Variants in USP8 observed in about 807,000 individuals in gnomAD.
USP8 encodes the protein ubiquitin specific peptidase 8.
In USP8, 27 loss-of-function variants were observed where a neutral mutation model predicts 130.0. The ratio of observed to expected loss-of-function variants is 0.21; its 90% CI spans 0.15 to 0.29. USP8 has a LOEUF of 0.29. Among genes scored for constraint, USP8 ranks in the 10% least tolerant of loss-of-function variants. USP8 has a pLI of 1.00. For synonymous variants in USP8, 392 were observed against 444.1 expected (o/e 0.88, Z 1.48); for missense variants, 1,029 against 1,312.2 (o/e 0.78, Z 3.33).
At chr15:50,440,656 T>A (rs1452148415) in intron 2 of USP8, among the ~76,000 whole-genome samples, 2 of 152,058 alleles carry the variant, frequency 1.3e-5, no homozygotes, top group Non-Finnish European at 2.9e-5. Context: ...CCATCACATC[T>A]GGGGGTGATG....
chr15:50,426,531 A>C (rs777273446), intron 1 of USP8, among the ~76,000 whole-genome samples: 1 of 152,342 alleles, frequency 6.6e-6, no homozygotes, highest in East Asian at 1.9e-4. Flanking sequence ...TTTGGAGTCA[A>C]CCGAGAGCTC....
intron 17 of USP8, 147 bp from the exon 18 acceptor site, chr15:50,496,942 A>C (rs1566893769): frequency 3.0e-6 from 3 of 997,444 alleles, no homozygotes; most frequent in African/African-American, 3.3e-5. Flanking sequence ...TTCTCACTAG[A>C]TCACAAGCTT....
chr15:50,431,165 C>CTGTGTGTGTGTGTGTGTGTGTGTGTG (rs56771450), intron 1 of USP8, among the ~76,000 whole-genome samples: 5,147 of 140,874 alleles, frequency 0.037, 180 homozygotes, highest in East Asian at 0.052. Flanking sequence ...GTGTGTGCCT[C>CTGTGTGTGTGTGTGTGTGTGTGTGTG]TGTGTGTGTG....
rs2052547554 is a variant in USP8 at position 50,499,821 on chromosome 15, A to AT, written c.*734dup. 1 of 152,186 alleles carries AT rather than the reference A, an allele frequency of 6.6e-6. No homozygotes were observed. Among genetic ancestry groups the AT allele is most frequent in the Non-Finnish European group, 1.5e-5 (1 of 68,026 alleles). 9.4% of individuals were successfully genotyped at this position (152,186 alleles called of 1,614,324 possible). On this transcript the variant is annotated 3_prime_UTR_variant, in exon 20 of 20. Coordinates refer to ENST00000307179, the MANE Select transcript of USP8 (RefSeq NM_005154.5). ...TCTGTCTTTAATATTGTATTATCAA[A>AT]TATAGGACAGTAAAACCATAGATTT...
rs547058612 is a variant in USP8, at chr15:50,511,552, T to C, written c.*12464T>C. 1 of 152,330 alleles carries C rather than the reference T, an allele frequency of 6.6e-6. No homozygotes were observed. Among genetic ancestry groups the C allele is most frequent in the South Asian group, 2.1e-4 (1 of 4,832 alleles). 9.4% of individuals were successfully genotyped at this position (152,330 alleles called of 1,614,324 possible). On this transcript the variant is annotated 3_prime_UTR_variant, in exon 20 of 20. Coordinates refer to ENST00000307179, the MANE Select transcript of USP8 (RefSeq NM_005154.5). ...CATCACTGGATGGATTAAGGAAATG[T>C]GGTATATCCTATACAATGGAATATT...
chr15:50,431,075 G>A (rs2049915450), intron 1 of USP8, among the ~76,000 whole-genome samples: 1 of 152,040 alleles, frequency 6.6e-6, no homozygotes, highest in African/African-American at 2.4e-5. Context: ...AAACGCTGCT[G>A]TAAACTGATC....
intron 8 of USP8, among the ~76,000 whole-genome samples, chr15:50,475,017 G>A (rs1280818911): frequency 6.6e-6 from 1 of 152,192 alleles, no homozygotes; most frequent in African/African-American, 2.4e-5. Flanking sequence ...GCTGAGGCAG[G>A]AGAATTGCTG....
chr15:50,511,174 C>T lies in USP8; in HGVS notation c.*12086C>T, dbSNP rs1185112494. 1.3e-5 allele frequency: 2 copies of T among 152,150 alleles called. No individual in the cohort carries two copies. The highest frequency in any genetic ancestry group is 2.9e-5 in the Non-Finnish European group (2 of 68,042). 9.4% of individuals were successfully genotyped at this position (152,150 alleles called of 1,614,324 possible). On this transcript the variant is annotated 3_prime_UTR_variant, in exon 20 of 20. Transcript: ENST00000307179. ...TGGAGAGAGAGCACTTGAAAAGATGCTCAACATCATTAGTCATTAGGAAAA... is the reference window on the plus strand; with the variant it reads ...TGGAGAGAGAGCACTTGAAAAGATGTTCAACATCATTAGTCATTAGGAAAA...
intron 1 of USP8, among the ~76,000 whole-genome samples, chr15:50,431,811 C>T (rs925425267): frequency 5.3e-5 from 8 of 152,158 alleles, no homozygotes; most frequent in Non-Finnish European, 1.2e-4. Context: ...CGTCCACCAC[C>T]ATGCCCAGCT....
At position 50,477,405 on chromosome 15, in the gene USP8, T is replaced by G. The variant is rs766979897; in HGVS notation, c.1124T>G (p.Leu375Arg). ...ISGQNERMGP[L>R]NISTPVEPVA... ...GGTCAAAATGAGAGAATGGGACCAC[T>G]GAATATATCAACTCCAGTTGAACCA... Residue 375 changes from leucine to arginine, a missense_variant, in exon 10 of 20, where the codon CTG (leucine) becomes CGG (arginine). Around this residue, in one of 4 missense-constraint regions of USP8, gnomAD observed 486 missense variants for 522.0 expected, o/e 0.93. Coordinates refer to ENST00000307179, the MANE Select transcript of USP8 (RefSeq NM_005154.5). The G allele has an allele frequency of 1.9e-6, 3 of 1,614,188 alleles. No individual in the cohort carries two copies. The highest frequency in any genetic ancestry group is 3.3e-5 in the Admixed American group (2 of 60,018).
At chr15:50,451,499 A>G (rs2050628228) in intron 4 of USP8, among the ~76,000 whole-genome samples, 1 of 152,218 alleles carries the variant, frequency 6.6e-6, no homozygotes, top group African/African-American at 2.4e-5. Context: ...GCCTGATAGA[A>G]TGGCCCATCT....
intron 2 of USP8, among the ~76,000 whole-genome samples, chr15:50,441,092 T>G (rs1156416426): frequency 1.3e-5 from 2 of 151,894 alleles, no homozygotes; most frequent in African/African-American, 4.8e-5. Flanking sequence ...AATGCCACCA[T>G]GATCTGACAG....
rs1335275694 is a variant in USP8, at chr15:50,492,805, G to A, written c.2339G>A (p.Arg780His). ...TCTGGACCAGCTCTTACTGGACTTC[G>A]TAACTTAGGAAATACTTGTTATATG... ...GGSGPALTGL[R>H]NLGNTCYMNS... Residue 780 changes from arginine to histidine, a missense_variant, in exon 15 of 20, where the codon CGT becomes CAT. Coordinates refer to ENST00000307179, the MANE Select transcript of USP8 (RefSeq NM_005154.5). The A allele has an allele frequency of 4.3e-6, 7 of 1,614,114 alleles. 1 individual carries two copies. The South Asian group carries it at 5.5e-5, about 13-fold the overall frequency.
intron 12 of USP8, among the ~76,000 whole-genome samples, chr15:50,487,138 A>C (rs993491245): frequency 5.3e-5 from 8 of 152,060 alleles, no homozygotes; most frequent in Non-Finnish European, 7.4e-5. Flanking sequence ...AAAAAAAAAA[A>C]CAACTTATTA....
rs566447082 is a variant in USP8 at position 50,453,690 on chromosome 15, A to G, written c.335+4205A>G. On this transcript the variant is annotated intron_variant, in intron 4 of 19. Transcript: ENST00000307179. ...CTGTGGGATGGGGGTTCAAGTTGTA[A>G]CAATTACTGAGAGAGTCATGTTAAA... 3.4e-4 allele frequency among the ~76,000 whole-genome samples: 51 copies of G among 152,208 alleles called. 1 individual carries two copies. The South Asian group carries it at 0.01, about 31-fold the overall frequency.
At chr15:50,432,801 CCTT>C (rs1411512300) in intron 1 of USP8, among the ~76,000 whole-genome samples, 1 of 152,052 alleles carries the variant, frequency 6.6e-6, no homozygotes, top group Non-Finnish European at 1.5e-5. Flanking sequence ...CTGATCATGA[CCTT>C]CTAATGGATT....
intron 8 of USP8, among the ~76,000 whole-genome samples, chr15:50,475,065 C>T (rs1166148636): frequency 6.6e-6 from 1 of 152,140 alleles, no homozygotes; most frequent in African/African-American, 2.4e-5. Flanking sequence ...GCCGAGATCG[C>T]ACCACTTCAC....
intron 3 of USP8, among the ~76,000 whole-genome samples, chr15:50,445,560 A>AAAAAAAAAAAAAAAAAAACAAAAAAC (rs2050404365): frequency 8.5e-6 from 1 of 118,094 alleles, no homozygotes; most frequent in Non-Finnish European, 1.8e-5. Context: ...AAAAAAAAAA[A>AAAAAAAAAAAAAAAAAAACAAAAAAC]AAAAAAAAAG....
Position 50,459,996 on chromosome 15 carries a change from C to CTTTT in USP8, c.498+849_498+852dup, listed in dbSNP as rs1555386693. ...CTCCCCCAGTTCCCCCACCCCCCCCCTTTTTTTTTTTTTTTTTTGAGACAG... is the reference window on the plus strand; with the variant it reads ...CTCCCCCAGTTCCCCCACCCCCCCCCTTTTTTTTTTTTTTTTTTTTTTGAGACAG... On this transcript the variant is annotated intron_variant, in intron 5 of 19. Coordinates refer to ENST00000307179, the MANE Select transcript of USP8 (RefSeq NM_005154.5). Among the ~76,000 whole-genome samples, 380 of 91,990 alleles carry CTTTT rather than the reference C, an allele frequency of 4.1e-3. 9 individuals are homozygous for CTTTT. Among genetic ancestry groups the CTTTT allele is most frequent in the South Asian group, 8.5e-3 (21 of 2,484 alleles). 60.3% of individuals were successfully genotyped at this position (91,990 alleles called of 152,430 possible). A position where few individuals can be genotyped will look rare whatever the true frequency, so the allele number is the denominator to read the frequency against.
Sources: allele counts gnomAD v4.1 joint callset (sites outside exome capture counted in the v4.1 genomes callset), GRCh38; gene constraint gnomAD v4.1.1; regional missense constraint gnomAD v4.1.1; transcripts MANE v1.5; gene names NCBI Gene and HGNC (gene_info 2026-07-23, HGNC 2026-07-21).